The following GINS1 variants were observed in gnomAD, a reference collection of about 807,000 sequenced individuals.
GINS1 encodes the protein DNA replication complex GINS protein PSF1.
A neutral mutation model predicts 34.9 loss-of-function variants in GINS1; 26 were observed. The ratio of observed to expected loss-of-function variants is 0.74; its 90% CI spans 0.55 to 1.03. The LOEUF is 1.03. Among genes scored for constraint, GINS1 ranks in the 50% least tolerant of loss-of-function variants. GINS1 has a pLI of 0.00. For synonymous variants in GINS1, 97 were observed against 84.4 expected (o/e 1.15, Z -0.82); for missense variants, 235 against 237.9 (o/e 0.99, Z 0.08).
rs1600950936 is a variant in GINS1, at chr20:25,448,512, C to A, written c.*2521C>A. On this transcript the variant is annotated 3_prime_UTR_variant, in exon 7 of 7. Coordinates refer to ENST00000262460, the MANE Select transcript of GINS1 (RefSeq NM_021067.5). Reference sequence around the variant, plus strand: ...GTTCTCATGGTGTTTTTGTAAATTACATCAACAGTCATGTGTTCTATGAAT... The same window carrying A: ...GTTCTCATGGTGTTTTTGTAAATTAAATCAACAGTCATGTGTTCTATGAAT... The A allele has an allele frequency of 6.6e-6, 1 of 152,234 alleles. No individual in the cohort carries two copies. Among genetic ancestry groups the A allele is most frequent in the South Asian group, 2.1e-4 (1 of 4,834 alleles). 9.4% of individuals were successfully genotyped at this position (152,234 alleles called of 1,614,324 possible).
At chr20:25,414,115 G>A (rs890755965) in intron 2 of GINS1, among the ~76,000 whole-genome samples, 3 of 150,474 alleles carry the variant, frequency 2.0e-5, no homozygotes, top group Non-Finnish European at 3.0e-5. Context: ...GTTTGTACCC[G>A]GGAGGTGGAG....
intron 5 of GINS1, among the ~76,000 whole-genome samples, chr20:25,439,436 G>T (rs1030281620): frequency 6.6e-6 from 1 of 152,162 alleles, no homozygotes; most frequent in African/African-American, 2.4e-5. Flanking sequence ...ACTTTGGGAG[G>T]CCAAAGCAGG....
chr20:25,439,575 A>T (rs1739153232), intron 5 of GINS1, among the ~76,000 whole-genome samples: 1 of 152,184 alleles, frequency 6.6e-6, no homozygotes, highest in Non-Finnish European at 1.5e-5. Context: ...AAAGAGACTT[A>T]CAAGACATTT....
intron 5 of GINS1, among the ~76,000 whole-genome samples, chr20:25,427,925 G>A (rs2090401529): frequency 8.0e-6 from 1 of 125,608 alleles, no homozygotes. Flanking sequence ...AGGCTAGAAT[G>A]CAGTGGTGTG....
intron 6 of GINS1, among the ~76,000 whole-genome samples, chr20:25,444,673 C>G (rs1390378632): frequency 1.3e-5 from 2 of 152,166 alleles, no homozygotes; most frequent in Non-Finnish European, 2.9e-5. Flanking sequence ...TCCTTAACCT[C>G]CCTCCTCCAA....
chr20:25,437,885 G>A lies in GINS1; in HGVS notation c.448-3817G>A, dbSNP rs561523208. 2.6e-4 allele frequency among the ~76,000 whole-genome samples: 40 copies of A among 152,194 alleles called. 1 individual carries two copies. Among genetic ancestry groups the A allele is most frequent in the Admixed American group, 2.6e-3 (39 of 15,274 alleles). On this transcript the variant is annotated intron_variant, in intron 5 of 6. Transcript: ENST00000262460. ...TGTAATCCCAGCACTTTGGGAGGCC[G>A]AGGCGGGTGGATCACCTGAGGTCAG...
At chr20:25,409,477 A>C (rs572995312) in intron 1 of GINS1, among the ~76,000 whole-genome samples, 1 of 152,336 alleles carries the variant, frequency 6.6e-6, no homozygotes, top group Non-Finnish European at 1.5e-5. Context: ...GATGGGGTCC[A>C]TAATGAATAA....
At chr20:25,424,501 C>G (rs2090379347) in intron 4 of GINS1, among the ~76,000 whole-genome samples, 1 of 152,172 alleles carries the variant, frequency 6.6e-6, no homozygotes. Context: ...AGTTTACCAT[C>G]TTAAATTGTA....
chr20:25,413,263 G>A (rs1313913727), intron 1 of GINS1, among the ~76,000 whole-genome samples: 1 of 151,978 alleles, frequency 6.6e-6, no homozygotes, highest in Non-Finnish European at 1.5e-5. Flanking sequence ...TGACCAGGCT[G>A]GTTTTGAACT....
At chr20:25,423,113 G>GTT (rs111280051) in intron 4 of GINS1, among the ~76,000 whole-genome samples, 2 of 141,152 alleles carry the variant, frequency 1.4e-5, no homozygotes, top group East Asian at 2.2e-4. Flanking sequence ...AGTATTTCTG[G>GTT]TTTTTTTTTT....
chr20:25,426,588 C>T (rs2090392251), intron 5 of GINS1, among the ~76,000 whole-genome samples: 2 of 151,382 alleles, frequency 1.3e-5, no homozygotes, highest in African/African-American at 4.9e-5. Context: ...TCTAGTGGTG[C>T]GATCTTGGCT....
Position 25,445,929 on chromosome 20 carries a change from T to C in GINS1, c.529T>C (p.Leu177=). ...TCCCTTCTTGTCCCCTCAGCACTTTTTACCTCGATGGAAATGTGAGCAGCT... is the reference window on the plus strand; with the variant it reads ...TCCCTTCTTGTCCCCTCAGCACTTTCTACCTCGATGGAAATGTGAGCAGCT... ...VLLKKNSQHF[L]PRWKCEQLIR... The change falls in exon 7 of 7, where the codon TTA becomes CTA. Residue 177 remains leucine, a synonymous_variant. Transcript: ENST00000262460. 6.2e-7 allele frequency: 1 copy of C among 1,604,622 alleles called. No homozygotes were observed. Among genetic ancestry groups the C allele is most frequent in the Admixed American group, 1.7e-5 (1 of 59,814 alleles).
intron 5 of GINS1, among the ~76,000 whole-genome samples, chr20:25,435,675 G>A (rs1830976878): frequency 1.4e-5 from 2 of 141,896 alleles, no homozygotes; most frequent in African/African-American, 5.3e-5. Context: ...GGAGAATTGC[G>A]AATTGCTTGA....
Position 25,413,854 on chromosome 20 carries a change from T to G in GINS1, c.140T>G (p.Val47Gly). Residue 47 changes from valine (V) to glycine (G), a missense_variant and splice_region_variant, in exon 2 of 7, where the codon GTG becomes GGG. Physicochemically the swap from Val to Gly is moderately radical, Grantham distance 109 (BLOSUM62 -3). Coordinates refer to ENST00000262460, the MANE Select transcript of GINS1 (RefSeq NM_021067.5). ...TTGTATGAACAAAACCAGTCTGATG[T>G]GTAAGTTTCATAAGATGATATTCTA... ...KALYEQNQSD[V>G]NEAKSGGRSD... 1 of 1,514,940 alleles carries G rather than the reference T, an allele frequency of 6.6e-7. No homozygotes were observed. The highest frequency in any genetic ancestry group is 2.2e-5 in the East Asian group (1 of 44,478). 93.8% of individuals were successfully genotyped at this position (1,514,940 alleles called of 1,614,324 possible). A position where few individuals can be genotyped will look rare whatever the true frequency, so the allele number is the denominator to read the frequency against.
intron 5 of GINS1, among the ~76,000 whole-genome samples, chr20:25,436,044 G>T (rs2048507656): frequency 6.7e-6 from 1 of 149,716 alleles, no homozygotes; most frequent in African/African-American, 2.5e-5. Context: ...GGATGGTCTC[G>T]ATCTCCTGAC....
chr20:25,438,072 T>C (rs2090463204), intron 5 of GINS1, among the ~76,000 whole-genome samples: 1 of 148,544 alleles, frequency 6.7e-6, no homozygotes, highest in Admixed American at 6.8e-5. Flanking sequence ...TGAGCTGAGA[T>C]TGTGGCATTG....
intron 5 of GINS1, among the ~76,000 whole-genome samples, chr20:25,433,386 T>C (rs564404518): frequency 6.6e-6 from 1 of 152,306 alleles, no homozygotes; most frequent in East Asian, 1.9e-4. Context: ...CCATGGATGC[T>C]CAAGTCCCTT....
At chr20:25,420,263 A>T (rs2090346975) in intron 4 of GINS1, among the ~76,000 whole-genome samples, 1 of 151,728 alleles carries the variant, frequency 6.6e-6, no homozygotes, top group African/African-American at 2.4e-5. Flanking sequence ...CATCCCGAGT[A>T]ACTGGGATTA....
chr20:25,410,428 A>G (rs2090276898), intron 1 of GINS1, among the ~76,000 whole-genome samples: 1 of 152,262 alleles, frequency 6.6e-6, no homozygotes, highest in Middle Eastern at 3.4e-3. Context: ...TCCACTGACA[A>G]ACCCACCTGA....
Sources: gnomAD v4.1 joint callset for allele counts (sites outside exome capture counted in the v4.1 genomes callset) on GRCh38, gnomAD v4.1.1 for gene constraint, MANE v1.5 for transcripts, NCBI Gene and HGNC (gene_info 2026-07-23, HGNC 2026-07-21) for gene names.